ARHGAP18: variants seen among roughly 807,000 people sequenced by gnomAD.
The protein encoded by ARHGAP18 is Rho GTPase activating protein 18.
In ARHGAP18, 67 loss-of-function variants were observed where a neutral mutation model predicts 86.2. The observed-to-expected ratio is 0.78, with a 90% CI of 0.64 to 0.95. The LOEUF is 0.95. ARHGAP18 is among the 40% of genes least tolerant of loss of function. The probability of loss-of-function intolerance (pLI) is 0.00; values close to 1 mark genes in which losing one functional copy is unlikely to be tolerated. For synonymous variants in ARHGAP18, 283 were observed against 280.4 expected (o/e 1.01, Z -0.09); for missense variants, 691 against 780.4 (o/e 0.89, Z 1.37).
intron 1 of ARHGAP18, among the ~76,000 whole-genome samples, chr6:129,706,821 G>A (rs1774809039): frequency 6.7e-6 from 1 of 148,654 alleles, no homozygotes; most frequent in South Asian, 2.2e-4. Context: ...TGGAGACGGA[G>A]GTTGCAGTGA....
intron 9 of ARHGAP18, among the ~76,000 whole-genome samples, chr6:129,606,374 A>T (rs1254681412): frequency 1.3e-5 from 2 of 152,192 alleles, no homozygotes; most frequent in Admixed American, 1.3e-4. Context: ...GCATGGTAAG[A>T]GTCCATCAGT....
chr6:129,645,692 T>C (rs1773564168), intron 1 of ARHGAP18, among the ~76,000 whole-genome samples: 1 of 152,230 alleles, frequency 6.6e-6, no homozygotes, highest in South Asian at 2.1e-4. Flanking sequence ...AGTTGCTCTA[T>C]AAAGAATCGC....
At chr6:129,621,624 G>A (rs567501414) in intron 5 of ARHGAP18, among the ~76,000 whole-genome samples, 1 of 152,216 alleles carries the variant, frequency 6.6e-6, no homozygotes, top group South Asian at 2.1e-4. Flanking sequence ...AACTTACAAG[G>A]TTGTGGCGAA....
intron 1 of ARHGAP18, among the ~76,000 whole-genome samples, chr6:129,675,497 G>T (rs1456744356): frequency 6.6e-6 from 1 of 152,106 alleles, no homozygotes; most frequent in Non-Finnish European, 1.5e-5. Context: ...GGTGTGGGCG[G>T]GTGTTGGAGG....
intron 1 of ARHGAP18, among the ~76,000 whole-genome samples, chr6:129,647,148 C>T (rs1773597061): frequency 1.3e-5 from 2 of 152,044 alleles, no homozygotes; most frequent in Admixed American, 6.6e-5. Flanking sequence ...TAAAAAAAAC[C>T]CCTCCCTTGC....
intron 1 of ARHGAP18, among the ~76,000 whole-genome samples, chr6:129,690,543 G>T (rs1774510117): frequency 6.6e-6 from 1 of 152,052 alleles, no homozygotes; most frequent in Non-Finnish European, 1.5e-5. Flanking sequence ...TATAGATAAG[G>T]TTCATTTTCA....
At chr6:129,582,887 A>C (rs1021797575) in intron 13 of ARHGAP18, among the ~76,000 whole-genome samples, 1 of 152,238 alleles carries the variant, frequency 6.6e-6, no homozygotes, top group African/African-American at 2.4e-5. Context: ...GGAAGTTTAC[A>C]CTGGCTTATT....
chr6:129,619,786 C>T (rs1789189744), intron 5 of ARHGAP18, among the ~76,000 whole-genome samples: 1 of 151,668 alleles, frequency 6.6e-6, no homozygotes, highest in South Asian at 2.1e-4. Flanking sequence ...TCACAAAAGC[C>T]AAGTAAGATT....
At chr6:129,594,209 T>C (rs1410967008) in intron 12 of ARHGAP18, among the ~76,000 whole-genome samples, 1 of 152,202 alleles carries the variant, frequency 6.6e-6, no homozygotes, top group Non-Finnish European at 1.5e-5. Context: ...AAATTACCAT[T>C]GACAATGCTT....
In ARHGAP18 at chr6:129,638,307, G is replaced by C. The variant is rs780620486; in HGVS notation, c.552+87C>G. 24 of 1,321,028 alleles carry C rather than the reference G, an allele frequency of 1.8e-5. No individual in the cohort carries two copies. The South Asian group carries it at 2.8e-4, about 16-fold the overall frequency. 81.8% of individuals were successfully genotyped at this position (1,321,028 alleles called of 1,614,324 possible). A position where few individuals can be genotyped will look rare whatever the true frequency, so the allele number is the denominator to read the frequency against. On this transcript the variant is annotated intron_variant, in intron 3 of 14. Transcript: ENST00000368149. Reference sequence around the variant, plus strand: ...CTGGCATAGAATAGGTGATCATTACGTTTTTAATCATTTGAATTAAACCAG... The same window carrying C: ...CTGGCATAGAATAGGTGATCATTACCTTTTTAATCATTTGAATTAAACCAG...
intron 12 of ARHGAP18, among the ~76,000 whole-genome samples, chr6:129,598,385 G>A (rs139606723): frequency 2.6e-5 from 4 of 152,124 alleles, no homozygotes; most frequent in Non-Finnish European, 4.4e-5. Flanking sequence ...GGCCAAAACC[G>A]AAAATTCAGA....
chr6:129,655,480 G>A (rs767311170), intron 1 of ARHGAP18, among the ~76,000 whole-genome samples: 3 of 152,158 alleles, frequency 2.0e-5, no homozygotes, highest in Non-Finnish European at 2.9e-5. Context: ...GGAAGCCAGT[G>A]TAGATGACAG....
intron 1 of ARHGAP18, among the ~76,000 whole-genome samples, chr6:129,689,666 A>C (rs1774490969): frequency 6.6e-6 from 1 of 152,244 alleles, no homozygotes; most frequent in Non-Finnish European, 1.5e-5. Flanking sequence ...GAATACAGGA[A>C]TAAGAATCCA....
intron 1 of ARHGAP18, among the ~76,000 whole-genome samples, chr6:129,696,676 G>A (rs560532387): frequency 1.3e-5 from 2 of 152,232 alleles, no homozygotes; most frequent in South Asian, 2.1e-4. Flanking sequence ...CGTGATGAAC[G>A]AAAAGATTAT....
intron 12 of ARHGAP18, among the ~76,000 whole-genome samples, chr6:129,595,700 T>G (rs1584030699): frequency 6.6e-6 from 1 of 152,310 alleles, no homozygotes; most frequent in Middle Eastern, 3.4e-3. Context: ...CTGCTTTCCC[T>G]CTGCCCCTGT....
intron 12 of ARHGAP18, among the ~76,000 whole-genome samples, chr6:129,588,476 T>C (rs1193395374): frequency 6.6e-6 from 1 of 152,232 alleles, no homozygotes; most frequent in Non-Finnish European, 1.5e-5. Context: ...ATTCAGGTCA[T>C]GCTGATACAA....
chr6:129,665,715 A>T (rs976646284), intron 1 of ARHGAP18, among the ~76,000 whole-genome samples: 2 of 152,222 alleles, frequency 1.3e-5, no homozygotes, highest in African/African-American at 4.8e-5. Context: ...CAGTCTCCCT[A>T]TCAGAAAAGC....
At chr6:129,640,730 T>C (rs966313096) in intron 2 of ARHGAP18, among the ~76,000 whole-genome samples, 2 of 152,208 alleles carry the variant, frequency 1.3e-5, no homozygotes, top group Non-Finnish European at 2.9e-5. Context: ...AAGAAGTCAT[T>C]GTGTTGAGAA....
chr6:129,585,064 T>A (rs111457556), intron 12 of ARHGAP18, among the ~76,000 whole-genome samples: 1,745 of 150,980 alleles, frequency 0.012, 21 homozygotes, highest in South Asian at 0.045. Flanking sequence ...ATTGTTTTTT[T>A]AAAAAATAAA....
Sources: allele counts gnomAD v4.1 joint callset (sites outside exome capture counted in the v4.1 genomes callset), GRCh38; gene constraint gnomAD v4.1.1; transcripts MANE v1.5; gene names NCBI Gene and HGNC (gene_info 2026-07-23, HGNC 2026-07-21).